Variants in EXOC2 observed in about 807,000 individuals in gnomAD.
EXOC2 encodes the protein SEC5-like 1.
EXOC2 carries 70 observed loss-of-function variants against 131.8 expected under a neutral mutation model. That is an observed-to-expected ratio of 0.53 (90% confidence interval 0.44 to 0.65). The LOEUF is 0.65. Among genes scored for constraint, EXOC2 ranks in the 30% least tolerant of loss-of-function variants. EXOC2 has a pLI of 0.00. For synonymous variants in EXOC2, 411 were observed against 398.4 expected, an observed-to-expected ratio of 1.03 and a Z score of -0.38; for missense variants, 923 against 1,108.6, an observed-to-expected ratio of 0.83 and a Z score of 2.38.
intron 22 of EXOC2, among the ~76,000 whole-genome samples, chr6:538,141 T>C (rs1766577304): frequency 1.3e-5 from 2 of 151,864 alleles, no homozygotes; most frequent in Non-Finnish European, 2.9e-5. Flanking sequence ...AAAAAGAGAG[T>C]AGAATGGCAG....
intron 22 of EXOC2, among the ~76,000 whole-genome samples, chr6:541,764 T>C (rs1021906527): frequency 1.3e-5 from 2 of 152,204 alleles, no homozygotes; most frequent in African/African-American, 4.8e-5. Context: ...GATGGTTCTA[T>C]AACCATTAAA....
intron 23 of EXOC2, among the ~76,000 whole-genome samples, chr6:522,311 G>A (rs1765513221): frequency 6.6e-6 from 1 of 151,682 alleles, no homozygotes; most frequent in Non-Finnish European, 1.5e-5. Flanking sequence ...GAGCTGGGCT[G>A]GGCACAGGTG....
intron 1 of EXOC2, among the ~76,000 whole-genome samples, chr6:686,065 G>A (rs1018203169): frequency 1.3e-5 from 2 of 150,910 alleles, no homozygotes; most frequent in Non-Finnish European, 2.9e-5. Context: ...TGGTTCAAGC[G>A]ATTCTCCTGC....
chr6:537,632 A>G (rs1328524117), intron 22 of EXOC2, among the ~76,000 whole-genome samples: 1 of 152,230 alleles, frequency 6.6e-6, no homozygotes, highest in Non-Finnish European at 1.5e-5. Flanking sequence ...AAACATCCAC[A>G]AAGAGACTTA....
In EXOC2 at chr6:576,760, C is replaced by G; in HGVS notation, c.1315G>C (p.Asp439His). Residue 439 changes from aspartate (D) to histidine (H), a missense_variant, in exon 12 of 28, where the codon GAC becomes CAC. Asp to His is a moderately conservative substitution (Grantham distance 81). Coordinates refer to ENST00000230449, the MANE Select transcript of EXOC2 (RefSeq NM_018303.6). Reference sequence around the variant, plus strand: ...GGCAGTGGAGGGAGATACTTACTGTCGTCTCGACCAGACTGAAAGCTGCTG... The same window carrying G: ...GGCAGTGGAGGGAGATACTTACTGTGGTCTCGACCAGACTGAAAGCTGCTG... Reference protein sequence around the residue: ...RGSSFQSGRDDTWRYKTPHRV... With the variant: ...RGSSFQSGRDHTWRYKTPHRV... 6.2e-7 allele frequency: 1 copy of G among 1,613,370 alleles called. No individual in the cohort carries two copies. Among genetic ancestry groups the G allele is most frequent in the African/African-American group, 1.3e-5 (1 of 74,996 alleles).
At chr6:497,265 C>T in intron 25 of EXOC2, 102 bp downstream of exon 25, 2 of 1,007,004 alleles carry the variant, frequency 2.0e-6, no homozygotes, top group Non-Finnish European at 3.0e-6. Context: ...TCAGTAGATC[C>T]ATTAAAAGAA....
intron 1 of EXOC2, among the ~76,000 whole-genome samples, chr6:647,442 T>C (rs1405533910): frequency 6.7e-6 from 1 of 150,340 alleles, no homozygotes; most frequent in African/African-American, 2.5e-5. Context: ...GTATCTAGTC[T>C]CTTCACCTGA....
At chr6:613,671 A>C (rs1389228255) in intron 6 of EXOC2, among the ~76,000 whole-genome samples, 1 of 152,110 alleles carries the variant, frequency 6.6e-6, no homozygotes, top group African/African-American at 2.4e-5. Context: ...CACATCCCAG[A>C]ATGGCAGGAA....
chr6:556,068 G>C, intron 18 of EXOC2, 55 bp from the exon 19 acceptor site: 1 of 1,514,020 alleles, frequency 6.6e-7, no homozygotes, highest in Non-Finnish European at 9.2e-7. Context: ...AAAGGTTTTT[G>C]TATATGAAGT....
chr6:557,182 G>C (rs1757457593), intron 17 of EXOC2, among the ~76,000 whole-genome samples: 1 of 152,104 alleles, frequency 6.6e-6, no homozygotes, highest in Admixed American at 6.5e-5. Context: ...TCTAGGTTAA[G>C]GAAGATACAG....
chr6:517,185 T>C (rs926480821), intron 23 of EXOC2, among the ~76,000 whole-genome samples: 2 of 151,982 alleles, frequency 1.3e-5, no homozygotes, highest in Non-Finnish European at 2.9e-5. Flanking sequence ...AGAAGGAAGA[T>C]GTTCATATTT....
At chr6:551,541 A>AGTCCAGGGC (rs1272947172) in intron 21 of EXOC2, among the ~76,000 whole-genome samples, 1 of 152,190 alleles carries the variant, frequency 6.6e-6, no homozygotes, top group Non-Finnish European at 1.5e-5. Flanking sequence ...CGTCACAGGG[A>AGTCCAGGGC]GTCCAGGGCT....
chr6:576,047 T>C (rs184134599), intron 12 of EXOC2, among the ~76,000 whole-genome samples: 2 of 152,312 alleles, frequency 1.3e-5, no homozygotes, highest in Admixed American at 1.3e-4. Flanking sequence ...AATTCCCTAC[T>C]GCAATGCTTG....
chr6:689,208 A>T (rs1384443996), intron 1 of EXOC2: 1 of 152,218 alleles, frequency 6.6e-6, no homozygotes. Flanking sequence ...TGGCACCAAG[A>T]TTTACTGTGG....
At chr6:513,278 T>C (rs150061454) in intron 23 of EXOC2, among the ~76,000 whole-genome samples, 2,455 of 152,334 alleles carry the variant, frequency 0.016, 27 homozygotes, top group Middle Eastern at 0.054. Flanking sequence ...TTACGTGCAG[T>C]GCGGCTGCAC....
At chr6:516,336 A>G (rs1030819955) in intron 23 of EXOC2, among the ~76,000 whole-genome samples, 2 of 152,168 alleles carry the variant, frequency 1.3e-5, no homozygotes, top group African/African-American at 2.4e-5. Context: ...CCACGCGTAC[A>G]TGAAGATGAT....
At chr6:503,162 G>C (rs935156645) in intron 23 of EXOC2, among the ~76,000 whole-genome samples, 4 of 141,310 alleles carry the variant, frequency 2.8e-5, no homozygotes, top group Non-Finnish European at 6.1e-5. Flanking sequence ...ACAGGAGCAA[G>C]TACTTTTTTT....
chr6:582,938 C>G (rs1758995113), intron 11 of EXOC2, among the ~76,000 whole-genome samples: 1 of 151,682 alleles, frequency 6.6e-6, no homozygotes, highest in South Asian at 2.1e-4. Context: ...TCATTCAAAG[C>G]AAGAGTTCAC....
At chr6:574,949 G>A (rs74737432) in intron 12 of EXOC2, among the ~76,000 whole-genome samples, 3,983 of 152,324 alleles carry the variant, frequency 0.026, 166 homozygotes, top group African/African-American at 0.09. Flanking sequence ...GGCCAGCTGC[G>A]TCAAGGGTCC....
Sources: gnomAD v4.1 joint callset for allele counts (sites outside exome capture counted in the v4.1 genomes callset) on GRCh38, gnomAD v4.1.1 for gene constraint, MANE v1.5 for transcripts, NCBI Gene and HGNC (gene_info 2026-07-23, HGNC 2026-07-21) for gene names.